Variants in ZNF804B observed in about 807,000 individuals in gnomAD.
The protein encoded by ZNF804B is zinc finger 804B.
In ZNF804B, 80 loss-of-function variants were observed where a neutral mutation model predicts 101.4. The ratio of observed to expected loss-of-function variants is 0.79; its 90% CI spans 0.66 to 0.95. The LOEUF is 0.95. Among genes scored for constraint, ZNF804B ranks in the 40% least tolerant of loss-of-function variants. ZNF804B has a pLI of 0.00. For synonymous variants in ZNF804B, 622 were observed against 558.8 expected (o/e 1.11, Z -1.59); for missense variants, 1,673 against 1,561.9 (o/e 1.07, Z -1.20).
In ZNF804B at chr7:89,334,366, C is replaced by T. The variant is rs1457258141; in HGVS notation, c.1384C>T (p.Leu462=). ...CACTCTTCAATGGCCTACGGAACTTCTGCTCTTTACAAAAACAGAACCCTG... is the reference window on the plus strand; with the variant it reads ...CACTCTTCAATGGCCTACGGAACTTTTGCTCTTTACAAAAACAGAACCCTG... ...HTTLQWPTEL[L]LFTKTEPCIS... Residue 462 remains leucine, a synonymous_variant, in exon 4 of 4, where the codon CTG becomes TTG. Coordinates refer to ENST00000333190, the MANE Select transcript of ZNF804B (RefSeq NM_181646.5). 6.2e-7 allele frequency: 1 copy of T among 1,613,826 alleles called. No homozygotes were observed. The highest frequency in any genetic ancestry group is 1.3e-5 in the African/African-American group (1 of 75,022).
At chr7:88,965,717 C>T (rs17165838) in intron 1 of ZNF804B, among the ~76,000 whole-genome samples, 9,101 of 151,420 alleles carry the variant, frequency 0.06, 474 homozygotes, top group East Asian at 0.18. Context: ...GAATCACTGC[C>T]GTATCTTTTT....
intron 1 of ZNF804B, among the ~76,000 whole-genome samples, chr7:88,775,237 C>T (rs1380006179): frequency 6.6e-6 from 1 of 152,086 alleles, no homozygotes; most frequent in Non-Finnish European, 1.5e-5. Flanking sequence ...GTAAATGATG[C>T]CTAATCTGAG....
chr7:89,107,656 G>T (rs566350861), intron 1 of ZNF804B, among the ~76,000 whole-genome samples: 1 of 152,238 alleles, frequency 6.6e-6, no homozygotes, highest in East Asian at 1.9e-4. Context: ...GAGAGAATCA[G>T]TGTATGTGCA....
intron 1 of ZNF804B, among the ~76,000 whole-genome samples, chr7:88,860,376 G>C (rs1201330834): frequency 6.6e-6 from 1 of 151,952 alleles, no homozygotes; most frequent in Non-Finnish European, 1.5e-5. Context: ...AATTGTTACA[G>C]GTGACATATT....
At chr7:89,219,644 GA>G (rs1562919902) in intron 2 of ZNF804B, among the ~76,000 whole-genome samples, 2 of 151,076 alleles carry the variant, frequency 1.3e-5, no homozygotes, top group African/African-American at 2.5e-5. Flanking sequence ...CACCGACTGA[GA>G]AAAAAAATTT....
At chr7:88,911,773 C>A (rs1046136948) in intron 1 of ZNF804B, among the ~76,000 whole-genome samples, 2 of 151,794 alleles carry the variant, frequency 1.3e-5, no homozygotes, top group Admixed American at 6.6e-5. Flanking sequence ...ATTTTCATCA[C>A]TCAGAAAGTT....
chr7:88,903,270 G>A (rs775067758), intron 1 of ZNF804B, among the ~76,000 whole-genome samples: 6 of 152,056 alleles, frequency 3.9e-5, no homozygotes, highest in Non-Finnish European at 8.8e-5. Flanking sequence ...TGCTGCAAAG[G>A]ACATATGGTT....
chr7:88,971,853 T>C lies in ZNF804B; in HGVS notation c.108+211769T>C, dbSNP rs563024312. ...TCTGTGAGGACATTCTCAGTGTTCT[T>C]TGGGGGAAATAGATACTCTAGGGAC... On this transcript the variant is annotated intron_variant, in intron 1 of 3. Transcript: ENST00000333190. 4.6e-5 allele frequency among the ~76,000 whole-genome samples: 7 copies of C among 151,628 alleles called. No individual in the cohort carries two copies. The East Asian group carries it at 1.4e-3, about 30-fold the overall frequency.
At chr7:89,107,180 G>T (rs1216173942) in intron 1 of ZNF804B, among the ~76,000 whole-genome samples, 1 of 152,036 alleles carries the variant, frequency 6.6e-6, no homozygotes, top group African/African-American at 2.4e-5. Flanking sequence ...TATTCATAAA[G>T]TTTTAGATTA....
chr7:88,985,045 G>A (rs1793740703), intron 1 of ZNF804B, among the ~76,000 whole-genome samples: 2 of 151,958 alleles, frequency 1.3e-5, no homozygotes, highest in African/African-American at 4.8e-5. Flanking sequence ...TCATTTGACT[G>A]TTCAAGAGGA....
chr7:88,854,500 T>TTC, intron 1 of ZNF804B, among the ~76,000 whole-genome samples: 2 of 94,560 alleles, frequency 2.1e-5, no homozygotes, highest in African/African-American at 5.8e-5. Flanking sequence ...TCCTTTCCTT[T>TTC]CCTTTCCTTT....
At chr7:88,803,333 T>C (rs1353905939) in intron 1 of ZNF804B, among the ~76,000 whole-genome samples, 1 of 152,156 alleles carries the variant, frequency 6.6e-6, no homozygotes, top group Non-Finnish European at 1.5e-5. Context: ...CTGGGAAATC[T>C]GTACCTACCA....
In ZNF804B at chr7:89,214,887, C is replaced by T. The variant is rs1174457506; in HGVS notation, c.109-3268C>T. 2.0e-5 allele frequency among the ~76,000 whole-genome samples: 3 copies of T among 152,100 alleles called. 1 individual carries two copies. The highest frequency in any genetic ancestry group is 3.9e-4 in the East Asian group (2 of 5,190). Reference sequence around the variant, plus strand: ...TGGATGGTTACATGTGTGGATAGATCGTTGGATGGATGAGGTAGCATGGAG... The same window carrying T: ...TGGATGGTTACATGTGTGGATAGATTGTTGGATGGATGAGGTAGCATGGAG... On this transcript the variant is annotated intron_variant, in intron 1 of 3. Coordinates refer to ENST00000333190, the MANE Select transcript of ZNF804B (RefSeq NM_181646.5).
intron 1 of ZNF804B, among the ~76,000 whole-genome samples, chr7:88,870,754 C>A (rs539362443): frequency 6.6e-6 from 1 of 152,164 alleles, no homozygotes; most frequent in African/African-American, 2.4e-5. Context: ...ATTTTTATGA[C>A]CCCTGATCAA....
chr7:89,063,105 G>A (rs1334322553), intron 1 of ZNF804B, among the ~76,000 whole-genome samples: 1 of 152,102 alleles, frequency 6.6e-6, no homozygotes, highest in Non-Finnish European at 1.5e-5. Context: ...ATGAAAGTAA[G>A]TATATTGTAA....
intron 2 of ZNF804B, among the ~76,000 whole-genome samples, chr7:89,257,827 T>C (rs1287810212): frequency 6.6e-6 from 1 of 152,160 alleles, no homozygotes; most frequent in African/African-American, 2.4e-5. Flanking sequence ...ATGTACTCTA[T>C]GTTTAGCTCC....
At chr7:89,247,729 A>G (rs918047174) in intron 2 of ZNF804B, among the ~76,000 whole-genome samples, 2 of 152,160 alleles carry the variant, frequency 1.3e-5, no homozygotes, top group Non-Finnish European at 2.9e-5. Context: ...AAGGATCACA[A>G]TAGCTCTTCA....
intron 1 of ZNF804B, among the ~76,000 whole-genome samples, chr7:88,760,338 C>T (rs1017981898): frequency 1.3e-5 from 2 of 151,818 alleles, no homozygotes; most frequent in Non-Finnish European, 2.9e-5. Context: ...GATGTAAATA[C>T]TTACTGAATG....
intron 1 of ZNF804B, among the ~76,000 whole-genome samples, chr7:88,853,155 T>G (rs1791470820): frequency 6.6e-6 from 1 of 152,126 alleles, no homozygotes; most frequent in Admixed American, 6.6e-5. Flanking sequence ...AAATATCCAA[T>G]CATCTGGAGA....
Sources: gnomAD v4.1 joint callset for allele counts (sites outside exome capture counted in the v4.1 genomes callset) on GRCh38, gnomAD v4.1.1 for gene constraint, MANE v1.5 for transcripts, NCBI Gene and HGNC (gene_info 2026-07-23, HGNC 2026-07-21) for gene names.